Variants in DCDC2C observed in about 807,000 individuals in gnomAD.
DCDC2C encodes doublecortin domain containing 2C.
In DCDC2C, 44 loss-of-function variants were observed where a neutral mutation model predicts 45.0. The observed-to-expected ratio is 0.98, with a 90% confidence interval of 0.77 to 1.26. DCDC2C has a LOEUF of 1.26. Ranked by LOEUF, DCDC2C falls within the 50% of genes most tolerant of loss-of-function variation. The probability of loss-of-function intolerance (pLI) is 0.00; values close to 1 mark genes in which losing one functional copy is unlikely to be tolerated. For synonymous variants in DCDC2C, 187 were observed against 178.8 expected (o/e 1.05, Z -0.37); for missense variants, 447 against 468.9 (o/e 0.95, Z 0.43).
intron 6 of DCDC2C, among the ~76,000 whole-genome samples, chr2:3,763,464 AG>A (rs992843819): frequency 6.6e-6 from 1 of 152,204 alleles, no homozygotes; most frequent in African/African-American, 2.4e-5. Context: ...CGGTAACTGA[AG>A]GCTCCTTGCC....
chr2:3,776,375 C>T (rs10187740), intron 8 of DCDC2C, among the ~76,000 whole-genome samples: 51,134 of 151,976 alleles, frequency 0.34, 8,736 homozygotes, highest in South Asian at 0.45. Flanking sequence ...TCTTCTTTAT[C>T]TCTTCAGGCT....
intron 2 of DCDC2C, among the ~76,000 whole-genome samples, chr2:3,718,499 C>T (rs531300696): frequency 3.0e-4 from 46 of 152,182 alleles, no homozygotes; most frequent in Non-Finnish European, 5.1e-4. Flanking sequence ...ATGAGATTCA[C>T]GTGGCCAGAC....
Position 3,785,086 on chromosome 2 carries a change from G to A in DCDC2C, c.1051G>A (p.Asp351Asn). 1 of 1,231,714 alleles carries A rather than the reference G, an allele frequency of 8.1e-7. No individual in the cohort carries two copies. Among genetic ancestry groups the A allele is most frequent in the Non-Finnish European group, 1.0e-6 (1 of 987,954 alleles). The allele number at this position is 1,231,714 out of a possible 1,614,324, so 76.3% of individuals were successfully genotyped here. ...TAAAGAAGATGCAAGGCTTTGTGAA[G>A]ACGTTGAAAGAAAGGTTTGTATCAA... The part of the protein sequence containing the change: ...KDKEDARLCE[D>N]VERKMAREWK... Residue 351 changes from aspartate to asparagine, a missense_variant, in exon 10 of 11, where the codon GAC becomes AAC. Coordinates refer to ENST00000399143, the MANE Select transcript of DCDC2C (RefSeq NM_001287444.2).
At chr2:3,817,035 G>T (rs977735739) in intron 10 of DCDC2C, among the ~76,000 whole-genome samples, 5 of 152,204 alleles carry the variant, frequency 3.3e-5, no homozygotes, top group Non-Finnish European at 7.3e-5. Flanking sequence ...CTTGGTCCAA[G>T]AACCATTTGC....
chr2:3,773,128 A>C (rs1670227127), intron 8 of DCDC2C, among the ~76,000 whole-genome samples: 2 of 152,124 alleles, frequency 1.3e-5, no homozygotes, highest in Non-Finnish European at 2.9e-5. Flanking sequence ...TGGGAACTGC[A>C]ATGGGAGCAA....
In DCDC2C at chr2:3,824,863, G is replaced by T. The variant is rs572950286; in HGVS notation, c.1066-22291G>T. On this transcript the variant is annotated intron_variant, in intron 10 of 10. Transcript: ENST00000399143. ...TCTGTATCTGGGTCTTGGAAGTGGG[G>T]ATTTCTCAGTGGTCCTGCCTCTTCT... 2.6e-5 allele frequency among the ~76,000 whole-genome samples: 4 copies of T among 152,166 alleles called. No homozygotes were observed. In the South Asian group the frequency reaches 8.3e-4, roughly 32 times the overall value.
At chr2:3,790,045 T>G (rs1670763559) in intron 10 of DCDC2C, among the ~76,000 whole-genome samples, 1 of 152,228 alleles carries the variant, frequency 6.6e-6, no homozygotes, top group African/African-American at 2.4e-5. Context: ...CCTCAAATCA[T>G]AGTGTGCTTA....
rs1667933857 is a variant in DCDC2C, at chr2:3,703,631, C to A, written c.-121C>A. The stretch of plus-strand genomic sequence containing the variant: ...CCGTCCCCGTCCCGTCCCCGTCCTG[C>A]GCCAGCGGCTGGAGCGGACCTCCCG... On this transcript the variant is annotated 5_prime_UTR_variant, in exon 1 of 11. Transcript: ENST00000399143. The surrounding 1 kb of genome is among the most constrained non-coding windows in gnomAD (Gnocchi z 4.4). 1.6e-5 allele frequency: 16 copies of A among 992,266 alleles called. No homozygotes were observed. Among genetic ancestry groups the A allele is most frequent in the Non-Finnish European group, 2.1e-5 (16 of 778,020 alleles). The allele number at this position is 992,266 out of a possible 1,614,324, so 61.5% of individuals were successfully genotyped here.
intron 2 of DCDC2C, among the ~76,000 whole-genome samples, chr2:3,718,790 A>G (rs959255312): frequency 6.6e-6 from 1 of 152,194 alleles, no homozygotes; most frequent in Non-Finnish European, 1.5e-5. Context: ...AAATGAAGCC[A>G]CGGACCTTTG....
At chr2:3,704,821 T>C (rs1668021350) in intron 1 of DCDC2C, among the ~76,000 whole-genome samples, 1 of 151,562 alleles carries the variant, frequency 6.6e-6, no homozygotes, top group Non-Finnish European at 1.5e-5. Flanking sequence ...TCTGTGTCCA[T>C]CACTTGGTCC....
At chr2:3,769,684 T>G (rs1052095307) in intron 8 of DCDC2C, among the ~76,000 whole-genome samples, 4 of 152,214 alleles carry the variant, frequency 2.6e-5, no homozygotes, top group Non-Finnish European at 4.4e-5. Flanking sequence ...GATGATTGTG[T>G]CTGTCCCCTC....
At chr2:3,759,732 A>G (rs533140479) in intron 6 of DCDC2C, among the ~76,000 whole-genome samples, 6 of 152,358 alleles carry the variant, frequency 3.9e-5, no homozygotes, top group African/African-American at 1.4e-4. Context: ...CATGCATAAA[A>G]GTATTTTCGA....
chr2:3,723,689 C>T (rs1362457088), intron 2 of DCDC2C, among the ~76,000 whole-genome samples: 1 of 152,020 alleles, frequency 6.6e-6, no homozygotes, highest in East Asian at 1.9e-4. Flanking sequence ...TGTCTCGGGG[C>T]AGGGGAGAGA....
chr2:3,833,532 A>G (rs1672002140), intron 10 of DCDC2C, among the ~76,000 whole-genome samples: 2 of 152,312 alleles, frequency 1.3e-5, no homozygotes, highest in South Asian at 4.1e-4. Flanking sequence ...TTCAGGGCTC[A>G]GAGCTTGTCT....
chr2:3,843,378 G>T (rs1390482235), intron 10 of DCDC2C, among the ~76,000 whole-genome samples: 1 of 151,612 alleles, frequency 6.6e-6, no homozygotes, highest in African/African-American at 2.4e-5. Context: ...GGAAGGCAGT[G>T]TGTGAATGTG....
chr2:3,732,386 G>A (rs1479394548), intron 3 of DCDC2C, among the ~76,000 whole-genome samples: 1 of 152,054 alleles, frequency 6.6e-6, no homozygotes, highest in African/African-American at 2.4e-5. Context: ...TGAGATCTCT[G>A]GTTGGAGTGC....
chr2:3,796,916 A>G (rs987598229), intron 10 of DCDC2C, among the ~76,000 whole-genome samples: 6 of 152,052 alleles, frequency 3.9e-5, no homozygotes, highest in South Asian at 2.1e-4. Context: ...CTCTTTTTCT[A>G]TTGATTGAAA....
At chr2:3,793,553 G>A (rs1670879746) in intron 10 of DCDC2C, among the ~76,000 whole-genome samples, 1 of 152,186 alleles carries the variant, frequency 6.6e-6, no homozygotes, top group Admixed American at 6.5e-5. Context: ...AAACACCACT[G>A]GAAATTATTC....
Position 3,732,095 on chromosome 2 carries a change from C to T in DCDC2C, c.416+5016C>T, listed in dbSNP as rs374418082. On this transcript the variant is annotated intron_variant, in intron 3 of 10. Transcript: ENST00000399143. ...CCGCACTAGGGAAGCGCAGGCAGAT[C>T]GAGATGGAGGGAAACAGGGAGGGCC... Among the ~76,000 whole-genome samples the T allele has an allele frequency of 8.5e-5, 13 of 152,082 alleles. No homozygotes were observed. In the South Asian group the frequency reaches 1.2e-3, roughly 15 times the overall value.
Sources: gnomAD v4.1 joint callset for allele counts (sites outside exome capture counted in the v4.1 genomes callset) on GRCh38, gnomAD v4.1.1 for gene constraint, Gnocchi (gnomAD v3.1) non-coding constraint, MANE v1.5 for transcripts, NCBI Gene and HGNC (gene_info 2026-07-23, HGNC 2026-07-21) for gene names.